Variants in CADM1 observed in about 807,000 individuals in gnomAD.
The protein encoded by CADM1 is TSLC-1.
CADM1 carries 15 observed loss-of-function variants against 53.1 expected under a neutral mutation model. The ratio of observed to expected loss-of-function variants is 0.28; its 90% CI spans 0.19 to 0.44. The LOEUF is 0.44. Among genes scored for constraint, CADM1 ranks in the 20% least tolerant of loss-of-function variants. The pLI is 1.00. For synonymous variants in CADM1, 281 were observed against 243.0 expected (o/e 1.16, Z -1.45); for missense variants, 434 against 611.3 (o/e 0.71, Z 3.06).
intron 2 of CADM1, among the ~76,000 whole-genome samples, chr11:115,239,673 G>C (rs1337304596): frequency 1.3e-5 from 2 of 150,858 alleles, no homozygotes; most frequent in Non-Finnish European, 2.9e-5. Flanking sequence ...GACATGCTTC[G>C]CTTTGGTTAG....
At chr11:115,320,801 C>T (rs1944803977) in intron 1 of CADM1, among the ~76,000 whole-genome samples, 1 of 151,970 alleles carries the variant, frequency 6.6e-6, no homozygotes, top group Admixed American at 6.6e-5. Flanking sequence ...AAAGAGATTC[C>T]TTATGTAATA....
chr11:115,395,760 GA>G (rs948099633), intron 1 of CADM1, among the ~76,000 whole-genome samples: 3 of 151,932 alleles, frequency 2.0e-5, no homozygotes, highest in Non-Finnish European at 2.9e-5. Flanking sequence ...AAGAGGGCAA[GA>G]AAAAAATCCT....
chr11:115,172,641 C>T lies in CADM1; in HGVS notation c.*3833G>A, dbSNP rs929852169. 6.6e-6 allele frequency: 1 copy of T among 151,684 alleles called. No homozygotes were observed. 9.4% of individuals were successfully genotyped at this position (151,684 alleles called of 1,614,324 possible). A position where few individuals can be genotyped will look rare whatever the true frequency, so the allele number is the denominator to read the frequency against. ...TTCAGGTGATGTAACTGATGCTCTA[C>T]TTGGCCTCCAGAGACCGCCTTATAC... On this transcript the variant is annotated 3_prime_UTR_variant, in exon 12 of 12. Transcript: ENST00000331581.
chr11:115,340,552 C>T (rs542149270), intron 1 of CADM1, among the ~76,000 whole-genome samples: 81 of 136,130 alleles, frequency 6.0e-4, no homozygotes, highest in African/African-American at 2.1e-3. Flanking sequence ...TCATAATATA[C>T]GCCATATAAG....
chr11:115,328,702 GTATATATATATGTGTATATATATGTATA>G (rs1945036850), intron 1 of CADM1, among the ~76,000 whole-genome samples: 1 of 10,130 alleles, frequency 9.9e-5, no homozygotes, highest in African/African-American at 2.9e-4. Flanking sequence ...GTATATATAT[GTATATATATATGTGTATATATATGTATA>G]TACATATATA....
At chr11:115,217,841 G>A (rs1941251023) in intron 6 of CADM1, 51 bp downstream of exon 6, 2 of 1,116,982 alleles carry the variant, frequency 1.8e-6, no homozygotes, top group Non-Finnish European at 2.8e-6. Flanking sequence ...TGTCTGTGTT[G>A]TGACATTTAC....
intron 1 of CADM1, among the ~76,000 whole-genome samples, chr11:115,488,812 A>G (rs1449389296): frequency 6.6e-6 from 1 of 152,186 alleles, no homozygotes; most frequent in Non-Finnish European, 1.5e-5. Flanking sequence ...AGACTGCCTT[A>G]CCCATGTCAT....
intron 5 of CADM1, among the ~76,000 whole-genome samples, chr11:115,223,740 C>T (rs1194640054): frequency 1.3e-5 from 2 of 152,098 alleles, no homozygotes; most frequent in Non-Finnish European, 2.9e-5. Context: ...GTATCACTAA[C>T]AATCTATAGT....
chr11:115,468,328 C>T (rs1048682903), intron 1 of CADM1, among the ~76,000 whole-genome samples: 1 of 152,040 alleles, frequency 6.6e-6, no homozygotes, highest in Non-Finnish European at 1.5e-5. Context: ...GACGGGTGCA[C>T]TGGAAAGAAA....
chr11:115,286,509 A>G (rs1180201685), intron 1 of CADM1, among the ~76,000 whole-genome samples: 2 of 152,230 alleles, frequency 1.3e-5, no homozygotes, highest in African/African-American at 4.8e-5. Context: ...AGTGGACACA[A>G]TAATGAAACA....
At chr11:115,291,954 G>A (rs1426518061) in intron 1 of CADM1, among the ~76,000 whole-genome samples, 4 of 152,162 alleles carry the variant, frequency 2.6e-5, no homozygotes, top group Admixed American at 6.5e-5. Flanking sequence ...TGGCATTTCT[G>A]AGAATATAGG....
At chr11:115,446,081 C>T (rs1037824541) in intron 1 of CADM1, among the ~76,000 whole-genome samples, 17 of 152,104 alleles carry the variant, frequency 1.1e-4, no homozygotes, top group African/African-American at 3.9e-4. Context: ...ATGACTAAGA[C>T]AGAGTCCCTG....
intron 1 of CADM1, among the ~76,000 whole-genome samples, chr11:115,269,131 G>A (rs11215458): frequency 0.12 from 18,261 of 151,938 alleles, 1,825 homozygotes; most frequent in East Asian, 0.3. Context: ...CAACTTCAGC[G>A]CTCCAATCTA....
rs1275001491 is a variant in CADM1, at chr11:115,229,366, G to A, written c.563-95C>T. The A allele has an allele frequency of 3.5e-6, 4 of 1,140,294 alleles. No homozygotes were observed. In the East Asian group the frequency reaches 9.4e-5, roughly 27 times the overall value. The allele number at this position is 1,140,294 out of a possible 1,614,324, so 70.6% of individuals were successfully genotyped here. ...CCCTCTGTCCTCTAACCCCAACATT[G>A]CTATTTTAACAAATATGATGGCAGT... On this transcript the variant is annotated intron_variant, in intron 4 of 11. Coordinates refer to ENST00000331581, the MANE Select transcript of CADM1 (RefSeq NM_001301043.2).
rs1942419556 is a variant in CADM1 at position 115,246,709 on chromosome 11, C to T, written c.125-6289G>A. Reference sequence around the variant, plus strand: ...TTGCTAATTACAAAAGCAATATGTGCTCAAAGGCTTTTGTTGTTGTTGTTT... The same window carrying T: ...TTGCTAATTACAAAAGCAATATGTGTTCAAAGGCTTTTGTTGTTGTTGTTT... On this transcript the variant is annotated intron_variant, in intron 1 of 11. Transcript: ENST00000331581. Among the ~76,000 whole-genome samples the T allele has an allele frequency of 2.0e-5, 3 of 152,286 alleles. No homozygotes were observed. In the South Asian group the frequency reaches 6.2e-4, roughly 32 times the overall value.
intron 1 of CADM1, among the ~76,000 whole-genome samples, chr11:115,371,768 A>T (rs1234435181): frequency 1.3e-5 from 2 of 151,326 alleles, no homozygotes. Context: ...CCTCCTGAGT[A>T]GCTGGGTCTA....
chr11:115,371,218 T>C (rs1036999477), intron 1 of CADM1, among the ~76,000 whole-genome samples: 1 of 152,100 alleles, frequency 6.6e-6, no homozygotes, highest in Admixed American at 6.6e-5. Context: ...ATAAATTGAA[T>C]AAACAATAAT....
At chr11:115,365,797 C>T (rs1946141740) in intron 1 of CADM1, among the ~76,000 whole-genome samples, 1 of 151,834 alleles carries the variant, frequency 6.6e-6, no homozygotes, top group African/African-American at 2.4e-5. Flanking sequence ...AAAAATCAAA[C>T]AAAAAAGCTG....
intron 1 of CADM1, among the ~76,000 whole-genome samples, chr11:115,430,443 A>G (rs980978626): frequency 6.6e-6 from 1 of 152,218 alleles, no homozygotes; most frequent in Non-Finnish European, 1.5e-5. Flanking sequence ...TTGAATTATA[A>G]ACCTATCAAG....
Sources: allele counts gnomAD v4.1 joint callset (sites outside exome capture counted in the v4.1 genomes callset), GRCh38; gene constraint gnomAD v4.1.1; transcripts MANE v1.5; gene names NCBI Gene and HGNC (gene_info 2026-07-23, HGNC 2026-07-21).